The following PPFIA4 variants were observed in gnomAD, a reference collection of about 807,000 sequenced individuals.
PPFIA4 encodes the protein liprin-alpha-4.
Under a neutral mutation model 145.7 loss-of-function variants are expected in PPFIA4, and 98 were observed. The observed-to-expected ratio is 0.67, with a 90% CI of 0.57 to 0.80. The LOEUF (loss-of-function observed/expected upper bound fraction) is 0.80. Among genes scored for constraint, PPFIA4 ranks in the 30% least tolerant of loss-of-function variants. The pLI, the probability that PPFIA4 is intolerant of heterozygous loss-of-function variation, is 0.00. For missense variants in PPFIA4, 1,457 were observed against 1,632.7 expected (o/e 0.89, Z 1.85); for synonymous variants, 628 against 649.6 (o/e 0.97, Z 0.51).
At position 203,076,774 on chromosome 1, in the gene PPFIA4, T is replaced by G; in HGVS notation, c.*384T>G. 1 of 257,030 alleles carries G rather than the reference T, an allele frequency of 3.9e-6. No homozygotes were observed. Among genetic ancestry groups the G allele is most frequent in the Non-Finnish European group, 7.5e-6 (1 of 133,278 alleles). 15.9% of individuals were successfully genotyped at this position (257,030 alleles called of 1,614,324 possible). A position where few individuals can be genotyped will look rare whatever the true frequency, so the allele number is the denominator to read the frequency against. ...GATCCTGGGCCACAGGCTGGGATGG[T>G]CCTTCCAAGAAAGGGTCATTTCAGA... On this transcript the variant is annotated 3_prime_UTR_variant, in exon 30 of 30. Coordinates refer to ENST00000295706, the MANE Select transcript of PPFIA4 (RefSeq NM_001304331.2).
chr1:203,060,988 G>A lies in PPFIA4; in HGVS notation c.2803G>A (p.Val935Ile). The change falls in exon 23 of 30, where the codon GTC becomes ATC. Residue 935 changes from valine (V) to isoleucine (I), a missense_variant. Coordinates refer to ENST00000295706, the MANE Select transcript of PPFIA4 (RefSeq NM_001304331.2). The surrounding 1 kb of genome is among the most constrained non-coding windows in gnomAD (Gnocchi z 4.8). ...TSRTSSGNVW[V>I]THEEMETLET... ...CCTGCAGTCTTCTGGGAATGTCTGG[G>A]TCACCCATGAAGAGATGGAAACTCT... is the stretch of plus-strand genomic sequence containing the variant. 6.2e-7 allele frequency: 1 copy of A among 1,613,988 alleles called. No homozygotes were observed. The highest frequency in any genetic ancestry group is 8.5e-7 in the Non-Finnish European group (1 of 1,179,872).
At position 203,075,034 on chromosome 1, in the gene PPFIA4, C is replaced by T. The variant is rs770169248; in HGVS notation, c.3394-543C>T. On this transcript the variant is annotated intron_variant, in intron 28 of 29. Coordinates refer to ENST00000295706, the MANE Select transcript of PPFIA4 (RefSeq NM_001304331.2). The surrounding 1 kb of genome is among the most constrained non-coding windows in gnomAD (Gnocchi z 4.1). ...CATTTTACAGATAAGGAAACTGAGG[C>T]TCAGAGGGGTCACTCACCTGGTACA... 2.6e-5 allele frequency among the ~76,000 whole-genome samples: 4 copies of T among 152,096 alleles called. No homozygotes were observed. Among genetic ancestry groups the T allele is most frequent in the Admixed American group, 2.0e-4 (3 of 15,278 alleles).
rs1661185207 is a variant in PPFIA4 at position 203,059,125 on chromosome 1, C to T, written c.2408-53C>T. ...TTCTGTTCCCCACCCCTGATCCAGGCAAGGGAGGAGAGGCAGAGGGGCTGG... is the reference window on the plus strand; with the variant it reads ...TTCTGTTCCCCACCCCTGATCCAGGTAAGGGAGGAGAGGCAGAGGGGCTGG... On this transcript the variant is annotated intron_variant, in intron 19 of 29. Coordinates refer to ENST00000295706, the MANE Select transcript of PPFIA4 (RefSeq NM_001304331.2). 5 of 1,383,764 alleles carry T rather than the reference C, an allele frequency of 3.6e-6. No individual in the cohort carries two copies. The Admixed American group carries it at 7.9e-5, about 22-fold the overall frequency. The allele number at this position is 1,383,764 out of a possible 1,614,324, so 85.7% of individuals were successfully genotyped here.
In PPFIA4 at chr1:203,048,306, C is replaced by T. The variant is rs761191867; in HGVS notation, c.1220C>T (p.Ala407Val). The T allele has an allele frequency of 6.2e-7, 1 of 1,612,422 alleles. No individual in the cohort carries two copies. ...CTGGAGGAGAAGAACCAGGAGCTGG[C>T]ACGGGTGAGGGCACCAGGCCGGGCC... ...GQLEEKNQEL[A>V]RVRQREKMNE... Residue 407 changes from alanine to valine, a missense_variant, in exon 10 of 30, where the codon GCA (alanine) becomes GTA (valine). Coordinates refer to ENST00000295706, the MANE Select transcript of PPFIA4 (RefSeq NM_001304331.2). The surrounding 1 kb of genome is among the most constrained non-coding windows in gnomAD (Gnocchi z 5.8).
At chr1:203,059,133 G>A (rs758453902) in intron 19 of PPFIA4, 45 bp from the exon 20 acceptor site, 38 of 1,418,562 alleles carry the variant, frequency 2.7e-5, no homozygotes, top group Non-Finnish European at 3.6e-5. Flanking sequence ...GGCAAGGGAG[G>A]AGAGGCAGAG....
chr1:203,044,456 A>G lies in PPFIA4; in HGVS notation c.576+3A>G. The G allele has an allele frequency of 1.3e-6, 2 of 1,550,508 alleles. No individual in the cohort carries two copies. Among genetic ancestry groups the G allele is most frequent in the Non-Finnish European group, 1.7e-6 (2 of 1,146,844 alleles). ...AGCTGGCAGGTGCCCACCAGCAGGT[A>G]ATCTGCCTGCTCACCCTCAGTCTGC... On this transcript the variant is annotated splice_donor_region_variant and intron_variant, in intron 5 of 29. Transcript: ENST00000295706.
chr1:203,067,611 G>T (rs931857220), intron 25 of PPFIA4, 84 bp from the exon 26 acceptor site: 72 of 1,173,852 alleles, frequency 6.1e-5, no homozygotes, highest in Non-Finnish European at 8.5e-5. Context: ...GTCTGGACAT[G>T]CTGTGGCTGA....
At chr1:203,046,469 G>A in intron 9 of PPFIA4, 87 bp downstream of exon 9, 1 of 1,441,522 alleles carries the variant, frequency 6.9e-7, no homozygotes, top group East Asian at 2.5e-5. Context: ...GCGCGTGGGA[G>A]GCGCACTGGG....
rs779906848 is a variant in PPFIA4 at position 203,068,535 on chromosome 1, G to C, written c.3231G>C (p.Glu1077Asp). ...GGGACTACGCAGGAAACCTGCATGA[G>C]AGTGGTGTGCATGGAGCCTTGCTGG... ...GLRDYAGNLH[E>D]SGVHGALLAL... Residue 1077 changes from glutamate to aspartate, a missense_variant, in exon 27 of 30, where the codon GAG (glutamate) becomes GAC (aspartate). Around this residue, in one of 3 missense-constraint regions of PPFIA4, gnomAD observed 848 missense variants for 1,046.7 expected, o/e 0.81. Coordinates refer to ENST00000295706, the MANE Select transcript of PPFIA4 (RefSeq NM_001304331.2). This position sits in a 1 kb window ranked among gnomAD's most constrained non-coding sequence, Gnocchi z 4.7. 2.5e-6 allele frequency: 4 copies of C among 1,608,682 alleles called. No individual in the cohort carries two copies. The highest frequency in any genetic ancestry group is 2.7e-5 in the African/African-American group (2 of 74,604).
intron 15 of PPFIA4, among the ~76,000 whole-genome samples, chr1:203,054,594 G>C (rs1486852690): frequency 6.6e-6 from 1 of 152,056 alleles, no homozygotes; most frequent in South Asian, 2.1e-4. Context: ...CTGAGCTGGA[G>C]TGTATCAGAG....
In PPFIA4 at chr1:203,045,380, C is replaced by A. The variant is rs751154511; in HGVS notation, c.679C>A (p.Arg227=). 8 of 1,599,162 alleles carry A rather than the reference C, an allele frequency of 5.0e-6. No individual in the cohort carries two copies. Among genetic ancestry groups the A allele is most frequent in the Non-Finnish European group, 6.8e-6 (8 of 1,173,642 alleles). Residue 227 remains arginine, a synonymous_variant, in exon 7 of 30, where the codon CGG becomes AGG. Transcript: ENST00000295706. ...PKRLWKEDTG[R]VEELQELLEK... The stretch of plus-strand genomic sequence containing the variant: ...CCTATCCCTGGAGGAGGATACGGGC[C>A]GGGTAGAGGAGCTGCAGGAGCTCCT...
Position 203,056,039 on chromosome 1 carries a change from T to C in PPFIA4, c.2071-81T>C, listed in dbSNP as rs1425491049. On this transcript the variant is annotated intron_variant, in intron 16 of 29. Transcript: ENST00000295706. ...GGCACTGAATCCTATCTTCTCATCC[T>C]AAGACCACTGGGCTCCCCTGGGGTT... The C allele has an allele frequency of 2.1e-6, 3 of 1,441,722 alleles. No homozygotes were observed. In the East Asian group the frequency reaches 7.1e-5, roughly 34 times the overall value. The allele number at this position is 1,441,722 out of a possible 1,614,324, so 89.3% of individuals were successfully genotyped here. A position where few individuals can be genotyped will look rare whatever the true frequency, so the allele number is the denominator to read the frequency against.
At position 203,049,771 on chromosome 1, in the gene PPFIA4, C is replaced by T. The variant is rs753204793; in HGVS notation, c.1511+4C>T. ...TTGTGGATGGCGTCCACTCCAGGTA[C>T]TGCAGCGCCAGAGGCTGGGCATGCC... is the stretch of plus-strand genomic sequence containing the variant. On this transcript the variant is annotated splice_donor_region_variant and intron_variant, in intron 13 of 29. Transcript: ENST00000295706. The T allele has an allele frequency of 1.3e-6, 2 of 1,560,028 alleles. No homozygotes were observed. The highest frequency in any genetic ancestry group is 2.4e-5 in the East Asian group (1 of 42,154).
At position 203,043,333 on chromosome 1, in the gene PPFIA4, G is replaced by T; in HGVS notation, c.235-64G>T. 1.4e-6 allele frequency: 2 copies of T among 1,412,986 alleles called. No individual in the cohort carries two copies. Among genetic ancestry groups the T allele is most frequent in the Non-Finnish European group, 2.0e-6 (2 of 1,020,016 alleles). 87.5% of individuals were successfully genotyped at this position (1,412,986 alleles called of 1,614,324 possible). ...GGTGAGAGGATCCCACCACTGACTT[G>T]CATGTGCAGGACACTGCTTTGGGGG... On this transcript the variant is annotated intron_variant, in intron 2 of 29. Transcript: ENST00000295706. The surrounding 1 kb of genome is among the most constrained non-coding windows in gnomAD (Gnocchi z 4.4).
chr1:203,075,879 C>A lies in PPFIA4; in HGVS notation c.3574+122C>A. ...GAGGCTGGTGCCCCGCGCTCCTGCG[C>A]TGCAGCTGCACTAACGCTCCGCGGG... On this transcript the variant is annotated intron_variant, in intron 29 of 29. Transcript: ENST00000295706. This position sits in a 1 kb window ranked among gnomAD's most constrained non-coding sequence, Gnocchi z 4.1. 1 of 1,011,972 alleles carries A rather than the reference C, an allele frequency of 9.9e-7. No individual in the cohort carries two copies. The highest frequency in any genetic ancestry group is 1.3e-6 in the Non-Finnish European group (1 of 747,990). 62.7% of individuals were successfully genotyped at this position (1,011,972 alleles called of 1,614,324 possible).
At position 203,077,768 on chromosome 1, in the gene PPFIA4, T is replaced by C. The variant is rs1234106058; in HGVS notation, c.*1378T>C. The C allele has an allele frequency of 6.6e-6, 1 of 152,248 alleles. No individual in the cohort carries two copies. Among genetic ancestry groups the C allele is most frequent in the African/African-American group, 2.4e-5 (1 of 41,464 alleles). 9.4% of individuals were successfully genotyped at this position (152,248 alleles called of 1,614,324 possible). ...TCCCAAGAAATACCCGCTCCTCACC[T>C]ACTCCCTCATCCTACCAAGGTGCCT... is the stretch of plus-strand genomic sequence containing the variant. On this transcript the variant is annotated 3_prime_UTR_variant, in exon 30 of 30. Transcript: ENST00000295706.
intron 19 of PPFIA4, 21 bp downstream of exon 19, chr1:203,056,971 G>A (rs765607689): frequency 5.1e-5 from 82 of 1,612,472 alleles, no homozygotes; most frequent in Admixed American, 2.7e-4. Flanking sequence ...CCTTCCTAAC[G>A]GAGGTCTGGG....
intron 1 of PPFIA4, chr1:203,035,753 G>C: frequency 2.3e-6 from 1 of 432,458 alleles, no homozygotes; most frequent in Non-Finnish European, 4.7e-6. Context: ...AAGGAGCCAG[G>C]TGCCCCACGT....
rs1164804349 is a variant in PPFIA4, at chr1:203,056,038, C to T, written c.2071-82C>T. ...AGGCACTGAATCCTATCTTCTCATCCTAAGACCACTGGGCTCCCCTGGGGT... is the reference window on the plus strand; with the variant it reads ...AGGCACTGAATCCTATCTTCTCATCTTAAGACCACTGGGCTCCCCTGGGGT... On this transcript the variant is annotated intron_variant, in intron 16 of 29. Coordinates refer to ENST00000295706, the MANE Select transcript of PPFIA4 (RefSeq NM_001304331.2). 4 of 1,435,532 alleles carry T rather than the reference C, an allele frequency of 2.8e-6. No homozygotes were observed. The African/African-American group carries it at 5.6e-5, about 20-fold the overall frequency. 88.9% of individuals were successfully genotyped at this position (1,435,532 alleles called of 1,614,324 possible).
Sources: gnomAD v4.1 joint callset for allele counts (sites outside exome capture counted in the v4.1 genomes callset) on GRCh38, gnomAD v4.1.1 for gene constraint, gnomAD v4.1.1 regional missense constraint, Gnocchi (gnomAD v3.1) non-coding constraint, MANE v1.5 for transcripts, NCBI Gene and HGNC (gene_info 2026-07-23, HGNC 2026-07-21) for gene names.